EPG5: variants seen among roughly 807,000 people sequenced by gnomAD.
The protein encoded by EPG5 is ectopic P granules protein 5 homolog.
Under a neutral mutation model 302.7 loss-of-function variants are expected in EPG5, and 159 were observed. The observed-to-expected ratio is 0.53, with a 90% CI of 0.46 to 0.60. EPG5 has a LOEUF of 0.60. Ranked by LOEUF, EPG5 falls within the 20% of genes least tolerant of loss-of-function variation. EPG5 has a pLI of 0.00. For synonymous variants in EPG5, 1,158 were observed against 1,136.8 expected (o/e 1.02, Z -0.37); for missense variants, 2,896 against 3,092.4 (o/e 0.94, Z 1.51).
At chr18:45,840,459 C>T in the EPG5 span, among the ~76,000 whole-genome samples, 1 of 152,216 alleles carries the variant, frequency 6.6e-6, no homozygotes, top group South Asian at 2.1e-4. Flanking sequence ...CTGCTCCTCC[C>T]CCACGACTCC....
chr18:45,908,170 A>G, intron 23 of EPG5, 89 bp from the exon 24 acceptor site: 1 of 1,045,182 alleles, frequency 9.6e-7, no homozygotes, highest in Non-Finnish European at 1.3e-6. Flanking sequence ...TGGCACCCCT[A>G]CATAAGAGTA....
intron 10 of EPG5, 72 bp downstream of exon 10, chr18:45,939,528 T>C: frequency 7.1e-7 from 1 of 1,407,806 alleles, no homozygotes; most frequent in Admixed American, 1.9e-5. Context: ...CCTACTTAAG[T>C]GGCTTTCACC....
In EPG5 at chr18:45,928,942, A is replaced by G. The variant is rs1370923883; in HGVS notation, c.2480T>C (p.Ile827Thr). ...AATTATCTCAGGGTGAACAGCTGTG[A>G]TAGTCCCTAAAAGCTCTCGACCAAC... is the stretch of plus-strand genomic sequence containing the variant. Reference protein sequence around the residue: ...SKVGRELLGTITAVHPEIISV... With the variant: ...SKVGRELLGTTTAVHPEIISV... The change falls in exon 13 of 44, where the codon ATC (isoleucine) becomes ACC (threonine). Residue 827 changes from isoleucine (I) to threonine (T), a missense_variant. Physicochemically the swap from Ile to Thr is moderately conservative, Grantham distance 89. Coordinates refer to ENST00000282041, the MANE Select transcript of EPG5 (RefSeq NM_020964.3). 1.2e-6 allele frequency: 2 copies of G among 1,613,962 alleles called. No individual in the cohort carries two copies. The highest frequency in any genetic ancestry group is 3.3e-5 in the Admixed American group (2 of 60,014).
At chr18:45,947,741 A>G (rs2050817741) in intron 6 of EPG5, among the ~76,000 whole-genome samples, 1 of 149,130 alleles carries the variant, frequency 6.7e-6, no homozygotes, top group Admixed American at 6.7e-5. Context: ...CATGTTCTCC[A>G]TTGTCCCGTT....
At chr18:45,852,979 C>T (rs1042262981) in intron 43 of EPG5, among the ~76,000 whole-genome samples, 4 of 152,170 alleles carry the variant, frequency 2.6e-5, no homozygotes, top group African/African-American at 7.2e-5. Flanking sequence ...CCTGCCACAC[C>T]GATTTCTAAA....
chr18:45,859,451 G>A (rs576072995), intron 40 of EPG5, among the ~76,000 whole-genome samples: 41 of 152,252 alleles, frequency 2.7e-4, no homozygotes, highest in Middle Eastern at 3.4e-3. Flanking sequence ...TCCTTGCTCC[G>A]ATACCCTCCT....
rs1323690301 is a variant in EPG5 at position 45,928,790 on chromosome 18, A to G, written c.2553+79T>C. On this transcript the variant is annotated intron_variant, in intron 13 of 43. Coordinates refer to ENST00000282041, the MANE Select transcript of EPG5 (RefSeq NM_020964.3). Reference sequence around the variant, plus strand: ...TACCCCTAGTGACAAGATCATTCCCAAGAACCTTCCTATTTTTGCCAATGT... The same window carrying G: ...TACCCCTAGTGACAAGATCATTCCCGAGAACCTTCCTATTTTTGCCAATGT... The G allele has an allele frequency of 2.9e-6, 4 of 1,401,720 alleles. No homozygotes were observed. The Admixed American group carries it at 7.5e-5, about 26-fold the overall frequency. The allele number at this position is 1,401,720 out of a possible 1,614,324, so 86.8% of individuals were successfully genotyped here. A position where few individuals can be genotyped will look rare whatever the true frequency, so the allele number is the denominator to read the frequency against.
the EPG5 span, among the ~76,000 whole-genome samples, chr18:45,810,184 A>C: frequency 6.6e-6 from 1 of 152,218 alleles, no homozygotes; most frequent in African/African-American, 2.4e-5. Context: ...AACACCCTGC[A>C]CAGACCAATA....
At chr18:45,952,239 T>C (rs2050924506) in intron 3 of EPG5, among the ~76,000 whole-genome samples, 161 bp downstream of exon 3, 1 of 152,166 alleles carries the variant, frequency 6.6e-6, no homozygotes, top group Non-Finnish European at 1.5e-5. Flanking sequence ...GAAATGTCAT[T>C]AAGGCAGATC....
intron 12 of EPG5, among the ~76,000 whole-genome samples, chr18:45,929,781 C>T (rs2050358301): frequency 1.3e-5 from 2 of 152,122 alleles, no homozygotes; most frequent in Non-Finnish European, 2.9e-5. Flanking sequence ...AATTCCAGAT[C>T]CATCGAGATC....
At chr18:45,831,743 C>CTTT in the EPG5 span, among the ~76,000 whole-genome samples, 7,989 of 146,760 alleles carry the variant, frequency 0.054, 724 homozygotes, top group African/African-American at 0.18. Flanking sequence ...GTACCAACAT[C>CTTT]TTTTTTTTTT....
Position 45,852,477 on chromosome 18 carries a change from TG to T in EPG5, c.7729del (p.His2577ThrfsTer5). ...GAGCCTCAGTGTTAACTATCGTATGTGGTCCAAATAATGCACTTCTGGATAC... is the reference window on the plus strand; with the variant it reads ...GAGCCTCAGTGTTAACTATCGTATGTGTCCAAATAATGCACTTCTGGATAC... ...CLYPEVHYLD[H>X]IR On this transcript the variant is annotated frameshift_variant, in exon 44 of 44. Coordinates refer to ENST00000282041, the MANE Select transcript of EPG5 (RefSeq NM_020964.3). LOFTEE classifies it high-confidence loss of function. 6.2e-7 allele frequency: 1 copy of T among 1,613,702 alleles called. No individual in the cohort carries two copies. The highest frequency in any genetic ancestry group is 2.2e-5 in the East Asian group (1 of 44,884).
chr18:45,870,804 A>C, intron 35 of EPG5, 62 bp from the exon 36 acceptor site: 1 of 1,230,038 alleles, frequency 8.1e-7, no homozygotes, highest in East Asian at 2.4e-5. Context: ...AAAAAAAAAA[A>C]AGCAAATTTG....
At chr18:45,855,295 A>G (rs1389704346) in intron 43 of EPG5, 3 of 294,510 alleles carry the variant, frequency 1.0e-5, no homozygotes, top group Non-Finnish European at 1.9e-5. Context: ...AGATAAGTGC[A>G]TATTCACACT....
At chr18:45,837,590 T>G in the EPG5 span, 37 of 1,512,830 alleles carry the variant, frequency 2.4e-5, no homozygotes, top group South Asian at 2.4e-4. Context: ...AGTGCTGCCC[T>G]GCACCTTCAC....
At chr18:45,930,553 C>A in intron 12 of EPG5, 123 bp downstream of exon 12, 1 of 688,660 alleles carries the variant, frequency 1.5e-6, no homozygotes, top group South Asian at 2.6e-5. Flanking sequence ...TCTATCCCTT[C>A]TCTGAAGTGT....
At position 45,910,753 on chromosome 18, in the gene EPG5, A is replaced by G; in HGVS notation, c.3984-11T>C. Reference sequence around the variant, plus strand: ...CCATCTATGGGTAACCTTAAAAAACACAAGCACAGATCTATAACCTTTCAA... The same window carrying G: ...CCATCTATGGGTAACCTTAAAAAACGCAAGCACAGATCTATAACCTTTCAA... On this transcript the variant is annotated splice_polypyrimidine_tract_variant and intron_variant, in intron 22 of 43. Coordinates refer to ENST00000282041, the MANE Select transcript of EPG5 (RefSeq NM_020964.3). 3 of 1,603,882 alleles carry G rather than the reference A, an allele frequency of 1.9e-6. No individual in the cohort carries two copies. Among genetic ancestry groups the G allele is most frequent in the Non-Finnish European group, 2.6e-6 (3 of 1,171,216 alleles).
chr18:45,906,210 T>C lies in EPG5; in HGVS notation c.4329+1748A>G, dbSNP rs551388922. ...ATCTCTGGGGGACAAAGTCAGAAAT[T>C]TGGAAGTCTTTGGGTATCTGATTCT... is the stretch of plus-strand genomic sequence containing the variant. On this transcript the variant is annotated intron_variant, in intron 24 of 43. Coordinates refer to ENST00000282041, the MANE Select transcript of EPG5 (RefSeq NM_020964.3). Among the ~76,000 whole-genome samples, 15 of 152,326 alleles carry C rather than the reference T, an allele frequency of 9.8e-5. No individual in the cohort carries two copies. In the South Asian group the frequency reaches 2.7e-3, roughly 27 times the overall value.
intron 39 of EPG5, among the ~76,000 whole-genome samples, chr18:45,861,453 C>T (rs2048632126): frequency 1.3e-5 from 2 of 152,196 alleles, no homozygotes; most frequent in Non-Finnish European, 2.9e-5. Flanking sequence ...GCTCTCAAAT[C>T]TTTTCCTAAA....
Sources: gnomAD v4.1 joint callset for allele counts (sites outside exome capture counted in the v4.1 genomes callset) on GRCh38, gnomAD v4.1.1 for gene constraint, MANE v1.5 for transcripts, NCBI Gene and HGNC (gene_info 2026-07-23, HGNC 2026-07-21) for gene names.